The following GARNL3 variants were observed in gnomAD, a reference collection of about 807,000 sequenced individuals.
The protein encoded by GARNL3 is GTPase-activating Rap/Ran-GAP domain-like protein 3.
Under a neutral mutation model 125.0 loss-of-function variants are expected in GARNL3, and 63 were observed. That is an observed-to-expected ratio of 0.50 (90% CI 0.41 to 0.62). GARNL3 has a LOEUF of 0.62. Ranked by LOEUF, GARNL3 falls within the 20% of genes least tolerant of loss-of-function variation. The probability of loss-of-function intolerance (pLI) is 0.00; values close to 1 mark genes in which losing one functional copy is unlikely to be tolerated. For synonymous variants in GARNL3, 439 were observed against 457.5 expected (o/e 0.96, Z 0.52); for missense variants, 994 against 1,244.0 (o/e 0.80, Z 3.02).
intron 2 of GARNL3, among the ~76,000 whole-genome samples, chr9:127,305,779 T>A (rs2064937820): frequency 6.6e-6 from 1 of 152,066 alleles, no homozygotes. Context: ...TATTTATTTC[T>A]TGTAAAGACA....
chr9:127,357,068 C>T (rs1588923236), intron 20 of GARNL3, 151 bp from the exon 21 acceptor site: 1 of 687,802 alleles, frequency 1.5e-6, no homozygotes, highest in East Asian at 2.6e-5. Context: ...CCTGGCACTC[C>T]TCTCTTGTCC....
At chr9:127,375,481 A>G (rs888575996) in intron 22 of GARNL3, among the ~76,000 whole-genome samples, 1 of 151,842 alleles carries the variant, frequency 6.6e-6, no homozygotes, top group Non-Finnish European at 1.5e-5. Context: ...AAAAAAAAAA[A>G]AAGAAAAGAA....
rs10987599 is a variant in GARNL3, at chr9:127,342,896, T to C, written c.1251+562T>C. On this transcript the variant is annotated intron_variant, in intron 14 of 27. Transcript: ENST00000373387. Reference sequence around the variant, plus strand: ...CAGGTGCACATGTGCTCTTTTCTTTTTTTTTTTTTTTTTTTTTGGAGACAG... The same window carrying C: ...CAGGTGCACATGTGCTCTTTTCTTTCTTTTTTTTTTTTTTTTTGGAGACAG... Among the ~76,000 whole-genome samples the C allele has an allele frequency of 6.4e-3, 830 of 129,192 alleles. 10 individuals are homozygous for C. Among genetic ancestry groups the C allele is most frequent in the African/African-American group, 0.03 (777 of 25,978 alleles). The allele number at this position is 129,192 out of a possible 152,430, so 84.8% of individuals were successfully genotyped here. A position where few individuals can be genotyped will look rare whatever the true frequency, so the allele number is the denominator to read the frequency against.
chr9:127,313,356 G>A lies in GARNL3; in HGVS notation c.320-85G>A, dbSNP rs2065146117. ...ATTGTTCCCTGAGCATGTGGGAAGG[G>A]CTGGACACCACCTGCAGTGTCCTCT... On this transcript the variant is annotated intron_variant, in intron 3 of 27. Transcript: ENST00000373387. 4 of 920,444 alleles carry A rather than the reference G, an allele frequency of 4.3e-6. No individual in the cohort carries two copies. In the Admixed American group the frequency reaches 6.8e-5, roughly 16 times the overall value. 57.0% of individuals were successfully genotyped at this position (920,444 alleles called of 1,614,324 possible).
Position 127,256,820 on chromosome 9 carries a change from A to G in GARNL3, c.144-8132A>G, listed in dbSNP as rs139268399. ...GTACTGTATTGCAAGCAGGAAATTGATGTTGATACAATCCACTGATGTTTA... is the reference window on the plus strand; with the variant it reads ...GTACTGTATTGCAAGCAGGAAATTGGTGTTGATACAATCCACTGATGTTTA... On this transcript the variant is annotated intron_variant, in intron 2 of 10. Coordinates refer to the GARNL3 transcript ENST00000439286. Among the ~76,000 whole-genome samples the G allele has an allele frequency of 2.1e-4, 32 of 152,342 alleles. No individual in the cohort carries two copies. The East Asian group carries it at 6.0e-3, about 28-fold the overall frequency.
In GARNL3 at chr9:127,378,762, A is replaced by AT. The variant is rs1215232083; in HGVS notation, c.2162-4670dup. Among the ~76,000 whole-genome samples the AT allele has an allele frequency of 4.0e-5, 6 of 151,890 alleles. No homozygotes were observed. The East Asian group carries it at 5.8e-4, about 15-fold the overall frequency. ...TTTGAGCAGTGATTTTTATATATATATTTTTTGTTTGTTTGTTTGTTTGTT... is the reference window on the plus strand; with the variant it reads ...TTTGAGCAGTGATTTTTATATATATATTTTTTTGTTTGTTTGTTTGTTTGTT... On this transcript the variant is annotated intron_variant, in intron 22 of 27. Transcript: ENST00000373387.
At chr9:127,317,678 T>C (rs2065277553) in intron 4 of GARNL3, among the ~76,000 whole-genome samples, 1 of 152,114 alleles carries the variant, frequency 6.6e-6, no homozygotes, top group South Asian at 2.1e-4. Flanking sequence ...ATCACACCAC[T>C]GCGCTCCAGC....
chr9:127,329,380 A>G (rs967683720), intron 7 of GARNL3, among the ~76,000 whole-genome samples: 8 of 152,110 alleles, frequency 5.3e-5, no homozygotes, highest in African/African-American at 1.4e-4. Context: ...TGGACACATG[A>G]TCTCCCTACC....
chr9:127,316,917 ATT>A (rs1417651096), intron 4 of GARNL3, among the ~76,000 whole-genome samples: 1 of 152,188 alleles, frequency 6.6e-6, no homozygotes, highest in Non-Finnish European at 1.5e-5. Flanking sequence ...GAAAAATCAT[ATT>A]TCTTTGCCCA....
chr9:127,322,404 A>G (rs540493894), intron 6 of GARNL3, among the ~76,000 whole-genome samples: 2 of 152,014 alleles, frequency 1.3e-5, no homozygotes, highest in Non-Finnish European at 2.9e-5. Flanking sequence ...AGGAGAGGAA[A>G]AGAAAAAAAA....
intron 1 of GARNL3, among the ~76,000 whole-genome samples, chr9:127,271,493 G>T (rs762631998): frequency 2.7e-5 from 4 of 150,304 alleles, no homozygotes; most frequent in Non-Finnish European, 4.4e-5. Context: ...TCATTAGCTG[G>T]CAGTGCATTT....
chr9:127,356,083 G>A (rs570809120), intron 20 of GARNL3, among the ~76,000 whole-genome samples: 55 of 152,364 alleles, frequency 3.6e-4, no homozygotes, highest in Non-Finnish European at 6.9e-4. Context: ...TGAGCCCTCA[G>A]GCCATTGCAA....
chr9:127,299,778 A>G (rs2064726649), intron 2 of GARNL3, among the ~76,000 whole-genome samples: 1 of 152,064 alleles, frequency 6.6e-6, no homozygotes, highest in Admixed American at 6.5e-5. Context: ...CCATAGCCAG[A>G]ATGGTCTCGA....
chr9:127,350,516 T>C (rs1384732362), intron 17 of GARNL3, among the ~76,000 whole-genome samples: 3 of 152,126 alleles, frequency 2.0e-5, no homozygotes, highest in Non-Finnish European at 2.9e-5. Context: ...GGCTCACGCC[T>C]GTAATCCCAG....
chr9:127,320,620 A>T, intron 5 of GARNL3, 95 bp from the exon 6 acceptor site: 1 of 762,774 alleles, frequency 1.3e-6, no homozygotes, highest in Non-Finnish European at 2.3e-6. Flanking sequence ...GTATCTTCTG[A>T]GTGTCAGGCC....
intron 2 of GARNL3, among the ~76,000 whole-genome samples, chr9:127,296,592 C>T (rs1333448784): frequency 5.3e-5 from 8 of 151,506 alleles, no homozygotes; most frequent in Admixed American, 5.3e-4. Flanking sequence ...CTGCCTCAGC[C>T]TCCCAAGTAG....
chr9:127,228,952 G>T (rs1194595233), intron 1 of GARNL3, among the ~76,000 whole-genome samples: 1 of 152,094 alleles, frequency 6.6e-6, no homozygotes, highest in African/African-American at 2.4e-5. Context: ...GCCTTGAGTA[G>T]CTGGGATTAC....
rs575254367 is a variant in GARNL3, at chr9:127,349,609, G to A, written c.1543+574G>A. Among the ~76,000 whole-genome samples the A allele has an allele frequency of 3.3e-5, 5 of 152,192 alleles. No individual in the cohort carries two copies. The South Asian group carries it at 6.2e-4, about 19-fold the overall frequency. ...CTGGGGAGTTAGTCAGTTCTCTGTC[G>A]CCACAGATCAGCCACCGTCGCCCAG... On this transcript the variant is annotated intron_variant, in intron 17 of 27. Transcript: ENST00000373387.
chr9:127,304,166 T>C (rs1222425975), intron 2 of GARNL3, among the ~76,000 whole-genome samples: 2 of 152,262 alleles, frequency 1.3e-5, no homozygotes, highest in East Asian at 3.8e-4. Context: ...CCTGTTTCAT[T>C]GTCACCTTAA....
Sources: allele counts gnomAD v4.1 joint callset (sites outside exome capture counted in the v4.1 genomes callset), GRCh38; gene constraint gnomAD v4.1.1; transcripts MANE v1.5; gene names NCBI Gene and HGNC (gene_info 2026-07-23, HGNC 2026-07-21).